The following KIF18B variants were observed in gnomAD, a reference collection of about 807,000 sequenced individuals.
KIF18B encodes the protein kinesin-like protein KIF18B.
KIF18B carries 49 observed loss-of-function variants against 80.9 expected under a neutral mutation model. That is an observed-to-expected ratio of 0.61 (90% CI 0.48 to 0.77). The LOEUF (loss-of-function observed/expected upper bound fraction) is 0.77. Ranked by LOEUF, KIF18B falls within the 30% of genes least tolerant of loss-of-function variation. The probability of loss-of-function intolerance (pLI) is 0.00; values close to 1 mark genes in which losing one functional copy is unlikely to be tolerated. For synonymous variants in KIF18B, 439 were observed against 463.9 expected, an observed-to-expected ratio of 0.95 and a Z score of 0.69; for missense variants, 994 against 1,127.7, an observed-to-expected ratio of 0.88 and a Z score of 1.70.
In KIF18B at chr17:44,928,955, C is replaced by T. The variant is rs201219043; in HGVS notation, c.1587G>A (p.Thr529=). The T allele has an allele frequency of 9.3e-6, 15 of 1,614,000 alleles. No homozygotes were observed. The highest frequency in any genetic ancestry group is 3.3e-5 in the South Asian group (3 of 91,088). The part of the protein sequence containing the change: ...YSLLQAANLL[T]PDMITEFETL... ...TCTCAAACTCTGTGATCATGTCGGGCGTCAGGAGGTTGGCTGCTTGGAGCA... is the reference window on the plus strand; with the variant it reads ...TCTCAAACTCTGTGATCATGTCGGGTGTCAGGAGGTTGGCTGCTTGGAGCA... The change falls in exon 12 of 16, where the codon ACG becomes ACA. Residue 529 remains threonine, a synonymous_variant. Transcript: ENST00000593135.
intron 11 of KIF18B, 112 bp downstream of exon 11, chr17:44,931,490 C>G (rs1306833255): frequency 7.2e-7 from 1 of 1,388,706 alleles, no homozygotes; most frequent in African/African-American, 1.4e-5. Flanking sequence ...AAGGACAGTG[C>G]TGATGAAGAG....
intron 1 of KIF18B, among the ~76,000 whole-genome samples, chr17:44,936,643 T>A (rs1221973844): frequency 2.1e-4 from 17 of 82,764 alleles, no homozygotes; most frequent in African/African-American, 8.5e-4. Flanking sequence ...TTTTTTTTTT[T>A]TTTTTTTTTT....
At chr17:44,932,819 G>T (rs1365633633) in intron 8 of KIF18B, 46 bp from the exon 9 acceptor site, 2 of 1,580,082 alleles carry the variant, frequency 1.3e-6, no homozygotes, top group Non-Finnish European at 1.7e-6. Context: ...GCTAAGCACA[G>T]GAGGGGAGGG....
intron 7 of KIF18B, 28 bp downstream of exon 7, chr17:44,933,895 G>T: frequency 1.3e-6 from 2 of 1,534,808 alleles, no homozygotes; most frequent in South Asian, 2.4e-5. Context: ...GCTGCCCCAC[G>T]CCCAAGCCGG....
At chr17:44,926,590 C>T in intron 14 of KIF18B, 91 bp from the exon 15 acceptor site, 1 of 1,283,430 alleles carries the variant, frequency 7.8e-7, no homozygotes, top group Non-Finnish European at 1.0e-6. Context: ...GTACTTGACA[C>T]TAAGCCCTGA....
Position 44,947,755 on chromosome 17 carries a change from G to C in KIF18B, c.-142C>G, listed in dbSNP as rs999535014. ...CCCCTACCCGCGCCAACCTCCACCC[G>C]GCGCCTTGCGTTCAAATTAGCCGGG... On this transcript the variant is annotated 5_prime_UTR_variant, in exon 1 of 16. Coordinates refer to ENST00000593135, the MANE Select transcript of KIF18B (RefSeq NM_001265577.2). 5 of 152,244 alleles carry C rather than the reference G, an allele frequency of 3.3e-5. No homozygotes were observed. The highest frequency in any genetic ancestry group is 1.2e-4 in the African/African-American group (5 of 41,452). The allele number at this position is 152,244 out of a possible 1,614,324, so 9.4% of individuals were successfully genotyped here.
Position 44,928,013 on chromosome 17 carries a change from C to G in KIF18B, c.2276+13G>C. On this transcript the variant is annotated intron_variant, in intron 13 of 15. Coordinates refer to ENST00000593135, the MANE Select transcript of KIF18B (RefSeq NM_001265577.2). ...CACTGACAGGAGGGGTGGAGCGAGACTGGGAGACCCACCTGGGGATGAAGG... is the reference window on the plus strand; with the variant it reads ...CACTGACAGGAGGGGTGGAGCGAGAGTGGGAGACCCACCTGGGGATGAAGG... 1 of 1,513,140 alleles carries G rather than the reference C, an allele frequency of 6.6e-7. No homozygotes were observed. The highest frequency in any genetic ancestry group is 1.3e-5 in the South Asian group (1 of 74,294). The allele number at this position is 1,513,140 out of a possible 1,614,324, so 93.7% of individuals were successfully genotyped here. A position where few individuals can be genotyped will look rare whatever the true frequency, so the allele number is the denominator to read the frequency against.
rs1288877402 is a variant in KIF18B, at chr17:44,928,224, G to A, written c.2078C>T (p.Thr693Ile). Reference sequence around the variant, plus strand: ...CAGGGGCACCCGGCTTTTGATGACTGTGGCTGGGCAAACGCGAGGGGAATG... The same window carrying A: ...CAGGGGCACCCGGCTTTTGATGACTATGGCTGGGCAAACGCGAGGGGAATG... ...PCHSPRVCPA[T>I]VIKSRVPLGP... Residue 693 changes from threonine (T) to isoleucine (I), a missense_variant, in exon 13 of 16, where the codon ACA becomes ATA. Physicochemically the swap from Thr to Ile is moderately conservative, Grantham distance 89. Transcript: ENST00000593135. The A allele has an allele frequency of 6.2e-7, 1 of 1,613,380 alleles. No homozygotes were observed. Among genetic ancestry groups the A allele is most frequent in the Non-Finnish European group, 8.5e-7 (1 of 1,179,614 alleles).
In KIF18B at chr17:44,934,443, G is replaced by T; in HGVS notation, c.688-13C>A. 1 of 1,604,736 alleles carries T rather than the reference G, an allele frequency of 6.2e-7. No homozygotes were observed. The highest frequency in any genetic ancestry group is 8.5e-7 in the Non-Finnish European group (1 of 1,174,618). On this transcript the variant is annotated splice_polypyrimidine_tract_variant and intron_variant, in intron 5 of 15. Coordinates refer to ENST00000593135, the MANE Select transcript of KIF18B (RefSeq NM_001265577.2). This position sits in a 1 kb window ranked among gnomAD's most constrained non-coding sequence, Gnocchi z 5.4. ...GCTTCACAAAGATCTGAAGGCAGAT[G>T]GCAGGGGTGAGGGGGAGATGGGCAT...
chr17:44,932,965 G>A lies in KIF18B; in HGVS notation c.1084C>T (p.Leu362=). The change falls in exon 8 of 16, where the codon CTG becomes TTG. Residue 362 remains leucine (L), a synonymous_variant. Transcript: ENST00000593135. The part of the protein sequence containing the change: ...RLSLKSNVTS[L]DCHISQYATI... ...GCATACTGGCTGATGTGACAGTCCA[G>A]GCTGGTCACATTGCTCTTCAGCTGA... is the stretch of plus-strand genomic sequence containing the variant. The A allele has an allele frequency of 1.2e-6, 2 of 1,605,946 alleles. No individual in the cohort carries two copies. Among genetic ancestry groups the A allele is most frequent in the Non-Finnish European group, 1.7e-6 (2 of 1,173,228 alleles).
At chr17:44,938,460 C>T (rs1034862989) in intron 1 of KIF18B, among the ~76,000 whole-genome samples, 10 of 152,190 alleles carry the variant, frequency 6.6e-5, no homozygotes, top group African/African-American at 2.4e-4. Context: ...CTTAAATAGT[C>T]AGACATGTCA....
intron 10 of KIF18B, 133 bp downstream of exon 10, chr17:44,931,923 T>C (rs2052158455): frequency 1.1e-5 from 13 of 1,213,444 alleles, no homozygotes; most frequent in Non-Finnish European, 1.5e-5. Flanking sequence ...GAAATCCTCC[T>C]AATGACTAAG....
chr17:44,936,598 CTATATATATATA>C (rs1218900628), intron 1 of KIF18B, among the ~76,000 whole-genome samples: 5 of 27,854 alleles, frequency 1.8e-4, no homozygotes, highest in African/African-American at 4.9e-4. Context: ...CTCTCTCTCT[CTATATATATATA>C]TATATATATA....
chr17:44,932,675 T>C lies in KIF18B; in HGVS notation c.1236A>G (p.Glu412=), dbSNP rs2052182320. The C allele has an allele frequency of 1.9e-6, 3 of 1,603,576 alleles. No individual in the cohort carries two copies. Among genetic ancestry groups the C allele is most frequent in the Non-Finnish European group, 2.6e-6 (3 of 1,172,286 alleles). The change falls in exon 9 of 16, where the codon GAA becomes GAG. Residue 412 remains glutamate, a splice_region_variant and synonymous_variant. Transcript: ENST00000593135. ...PGSPKSGPPP[E]HQPCTPELPA... The stretch of plus-strand genomic sequence containing the variant: ...CGGGAATGGGCAGTGGAACTCACTG[T>C]TCTGGTGGTGGTCCCGACTTGGGAG...
Position 44,935,219 on chromosome 17 carries a change from G to A in KIF18B, c.471+40C>T, listed in dbSNP as rs199959814. ...CACCCCATGGGCTCACTTCCCCCCG[G>A]GTGGTTGTGAGAACAAGGCCCAGGG... On this transcript the variant is annotated intron_variant, in intron 3 of 15. Coordinates refer to ENST00000593135, the MANE Select transcript of KIF18B (RefSeq NM_001265577.2). 198 of 1,544,446 alleles carry A rather than the reference G, an allele frequency of 1.3e-4. No homozygotes were observed. In the African/African-American group the frequency reaches 2.2e-3, roughly 17 times the overall value.
Position 44,928,058 on chromosome 17 carries a change from C to G in KIF18B, c.2244G>C (p.Glu748Asp). 1 of 1,533,210 alleles carries G rather than the reference C, an allele frequency of 6.5e-7. No homozygotes were observed. The highest frequency in any genetic ancestry group is 1.8e-4 in the Middle Eastern group (1 of 5,654). 95.0% of individuals were successfully genotyped at this position (1,533,210 alleles called of 1,614,324 possible). A position where few individuals can be genotyped will look rare whatever the true frequency, so the allele number is the denominator to read the frequency against. The change falls in exon 13 of 16, where the codon GAG (glutamate) becomes GAC (aspartate). Residue 748 changes from glutamate to aspartate, a missense_variant. Coordinates refer to ENST00000593135, the MANE Select transcript of KIF18B (RefSeq NM_001265577.2). Reference protein sequence around the residue: ...ECIGWDKIPQELSRLDQPFIP... With the variant: ...ECIGWDKIPQDLSRLDQPFIP... The stretch of plus-strand genomic sequence containing the variant: ...TGAAGGGCTGGTCCAGCCTGCTCAG[C>G]TCCTGGGGTATTTTGTCCCAGCCAA...
At chr17:44,932,278 G>C (rs1198511025) in intron 9 of KIF18B, 72 bp from the exon 10 acceptor site, 4 of 1,495,600 alleles carry the variant, frequency 2.7e-6, no homozygotes, top group Admixed American at 2.1e-5. Context: ...GGCAGGATGT[G>C]GGCCAGGTGG....
intron 11 of KIF18B, among the ~76,000 whole-genome samples, chr17:44,929,378 A>G (rs1374689970): frequency 6.6e-6 from 1 of 152,170 alleles, no homozygotes; most frequent in African/African-American, 2.4e-5. Flanking sequence ...TCTGCCACCT[A>G]CTAGAGCTGC....
In KIF18B at chr17:44,938,827, C is replaced by A. The variant is rs77617465; in HGVS notation, c.-14-2469G>T. Among the ~76,000 whole-genome samples the A allele has an allele frequency of 7.0e-3, 1,063 of 151,908 alleles. 9 individuals carry two copies. Among genetic ancestry groups the A allele is most frequent in the African/African-American group, 0.024 (1,005 of 41,388 alleles). ...TGGGAGACCAAGGTGGGCGGATCAT[C>A]TGAGGTTGGCAGTTCGAGACCAGCT... On this transcript the variant is annotated intron_variant, in intron 1 of 15. Transcript: ENST00000593135.
Sources: gnomAD v4.1 joint callset for allele counts (sites outside exome capture counted in the v4.1 genomes callset) on GRCh38, gnomAD v4.1.1 for gene constraint, Gnocchi (gnomAD v3.1) non-coding constraint, MANE v1.5 for transcripts, NCBI Gene and HGNC (gene_info 2026-07-23, HGNC 2026-07-21) for gene names.